The following TSNAX variants were observed in gnomAD, a reference collection of about 807,000 sequenced individuals.
TSNAX encodes the protein translin-associated protein X.
TSNAX carries 12 observed loss-of-function variants against 33.0 expected under a neutral mutation model. That is an observed-to-expected ratio of 0.36 (90% CI 0.23 to 0.59). The LOEUF (loss-of-function observed/expected upper bound fraction) is 0.59, where lower values mean the gene tolerates loss of function less well. Among genes scored for constraint, TSNAX ranks in the 20% least tolerant of loss-of-function variants. TSNAX has a pLI of 0.74. For missense variants in TSNAX, 267 were observed against 341.3 expected (o/e 0.78, Z 1.72); for synonymous variants, 110 against 117.2 (o/e 0.94, Z 0.40).
intron 2 of TSNAX, 21 bp downstream of exon 2, chr1:231,529,380 G>C (rs766767038): frequency 8.7e-6 from 14 of 1,609,198 alleles, no homozygotes; most frequent in African/African-American, 1.3e-5. Flanking sequence ...TGCAATGTAA[G>C]TTGAAGAAGG....
chr1:231,559,344 T>TTGTTG (rs1660888446), intron 4 of TSNAX, among the ~76,000 whole-genome samples: 2 of 127,272 alleles, frequency 1.6e-5, no homozygotes, highest in African/African-American at 5.7e-5. Context: ...TGTTGTTGTT[T>TTGTTG]TTGAGATGGA....
At chr1:231,560,608 GGGT>G (rs1419930521) in intron 4 of TSNAX, among the ~76,000 whole-genome samples, 1 of 149,446 alleles carries the variant, frequency 6.7e-6, no homozygotes, top group East Asian at 2.0e-4. Context: ...AGTAGAGATG[GGGT>G]TTCGCCATGT....
At chr1:231,537,369 C>A in intron 3 of TSNAX, 42 bp downstream of exon 3, 2 of 1,272,086 alleles carry the variant, frequency 1.6e-6, no homozygotes, top group Non-Finnish European at 1.1e-6. Flanking sequence ...TTGATACTAG[C>A]TATTAGAATA....
chr1:231,555,276 A>G (rs897589015), intron 4 of TSNAX, among the ~76,000 whole-genome samples: 21 of 152,238 alleles, frequency 1.4e-4, no homozygotes, highest in African/African-American at 5.1e-4. Flanking sequence ...GCTTGAAGAC[A>G]TTATGCAAAG....
chr1:231,551,483 T>C (rs1308045979), intron 4 of TSNAX, among the ~76,000 whole-genome samples: 1 of 152,236 alleles, frequency 6.6e-6, no homozygotes, highest in African/African-American at 2.4e-5. Context: ...TTTTTGGAAA[T>C]TAAATACATT....
intron 5 of TSNAX, chr1:231,563,559 A>T (rs547404651): frequency 6.5e-6 from 1 of 154,968 alleles, no homozygotes; most frequent in Non-Finnish European, 1.5e-5. Flanking sequence ...GAGATGGGTC[A>T]AGGTCATTTG....
At chr1:231,541,839 G>A (rs1009314892) in intron 3 of TSNAX, among the ~76,000 whole-genome samples, 2 of 152,202 alleles carry the variant, frequency 1.3e-5, no homozygotes, top group Admixed American at 6.5e-5. Context: ...GCACTGATCA[G>A]TACTCAACTG....
intron 4 of TSNAX, among the ~76,000 whole-genome samples, chr1:231,550,682 CCTTT>C (rs1371565377): frequency 6.6e-6 from 1 of 152,174 alleles, no homozygotes; most frequent in Non-Finnish European, 1.5e-5. Context: ...TTCCTTCCTT[CCTTT>C]TCCTCTTCTA....
At chr1:231,551,875 C>A (rs1028551873) in intron 4 of TSNAX, among the ~76,000 whole-genome samples, 1 of 151,784 alleles carries the variant, frequency 6.6e-6, no homozygotes. Context: ...TCCTGTAGTC[C>A]TAGTTACTGG....
chr1:231,534,832 G>A (rs1467903787), intron 2 of TSNAX: 1 of 152,152 alleles, frequency 6.6e-6, no homozygotes, highest in African/African-American at 2.4e-5. Context: ...ATGGATCTAT[G>A]CTCTGATACA....
intron 4 of TSNAX, chr1:231,542,850 T>C (rs936508898): frequency 8.4e-6 from 3 of 356,408 alleles, no homozygotes; most frequent in Non-Finnish European, 1.5e-5. Flanking sequence ...ACAGATTTAA[T>C]AGGATGAACT....
chr1:231,551,783 GTC>G (rs1347046782), intron 4 of TSNAX, among the ~76,000 whole-genome samples: 3 of 137,478 alleles, frequency 2.2e-5, no homozygotes, highest in African/African-American at 8.3e-5. Context: ...GCAAAACCCT[GTC>G]TCTACAAAAA....
intron 5 of TSNAX, among the ~76,000 whole-genome samples, chr1:231,562,733 A>C (rs1661194727): frequency 6.6e-6 from 1 of 152,236 alleles, no homozygotes; most frequent in Non-Finnish European, 1.5e-5. Flanking sequence ...ATGTTCATAA[A>C]TAAGTTTTAG....
intron 5 of TSNAX, among the ~76,000 whole-genome samples, chr1:231,562,080 G>C (rs1026444163): frequency 2.4e-4 from 36 of 150,870 alleles, no homozygotes; most frequent in African/African-American, 8.0e-4. Flanking sequence ...AAGGTAAGCT[G>C]TATTGACTAT....
intron 5 of TSNAX, chr1:231,563,669 T>G (rs1392739088): frequency 2.0e-5 from 3 of 152,186 alleles, no homozygotes; most frequent in Non-Finnish European, 4.4e-5. Context: ...TTTTTTTTTT[T>G]TTTGGTAGGG....
intron 4 of TSNAX, among the ~76,000 whole-genome samples, chr1:231,547,317 C>A (rs1478116138): frequency 6.6e-6 from 1 of 151,828 alleles, no homozygotes; most frequent in African/African-American, 2.4e-5. Context: ...AGACTATTAT[C>A]CATCTCTGAT....
At chr1:231,532,185 C>CACAG (rs1356252515) in intron 2 of TSNAX, among the ~76,000 whole-genome samples, 11 of 116,134 alleles carry the variant, frequency 9.5e-5, no homozygotes, top group African/African-American at 3.4e-4. Context: ...CACACACACA[C>CACAG]AGTTTTGGTT....
chr1:231,560,096 C>T (rs1660961811), intron 4 of TSNAX, among the ~76,000 whole-genome samples: 2 of 151,484 alleles, frequency 1.3e-5, no homozygotes, highest in Non-Finnish European at 2.9e-5. Flanking sequence ...TCTCCTGCCT[C>T]AGCCTCCTGT....
Position 231,564,822 on chromosome 1 carries a change from G to A in TSNAX, c.790G>A (p.Gly264Arg). ...ENACYALKVR[G>R]SEIPKHMLAD... ...TGCTTGTTATGCCTTGAAAGTCAGAGGGTCAGAAATTCCAAAACATATGTT... is the reference window on the plus strand; with the variant it reads ...TGCTTGTTATGCCTTGAAAGTCAGAAGGTCAGAAATTCCAAAACATATGTT... Residue 264 changes from glycine to arginine, a missense_variant, in exon 6 of 6, where the codon GGG becomes AGG. This residue lies in a region of TSNAX where 67 missense variants were observed against 127.2 expected (regional missense o/e 0.53). Transcript: ENST00000366639. The A allele has an allele frequency of 6.2e-7, 1 of 1,614,108 alleles. No homozygotes were observed. Among genetic ancestry groups the A allele is most frequent in the Non-Finnish European group, 8.5e-7 (1 of 1,180,020 alleles).
Sources: gnomAD v4.1 joint callset for allele counts (sites outside exome capture counted in the v4.1 genomes callset) on GRCh38, gnomAD v4.1.1 for gene constraint, gnomAD v4.1.1 regional missense constraint, MANE v1.5 for transcripts, NCBI Gene and HGNC (gene_info 2026-07-23, HGNC 2026-07-21) for gene names.